Variants in PPM1F observed in about 807,000 individuals in gnomAD.
PPM1F encodes the protein protein phosphatase, Mg2+/Mn2+ dependent 1F.
A neutral mutation model predicts 35.5 loss-of-function variants in PPM1F; 17 were observed. The observed-to-expected ratio is 0.48, with a 90% CI of 0.33 to 0.72. The LOEUF (loss-of-function observed/expected upper bound fraction) is 0.72, where lower values mean the gene tolerates loss of function less well. Ranked by LOEUF, PPM1F falls within the 30% of genes least tolerant of loss-of-function variation. PPM1F has a pLI of 0.02. For synonymous variants in PPM1F, 241 were observed against 255.5 expected, an observed-to-expected ratio of 0.94 and a Z score of 0.54; for missense variants, 521 against 613.0, an observed-to-expected ratio of 0.85 and a Z score of 1.59.
In PPM1F at chr22:21,922,894, C is replaced by G. The variant is rs1199345409; in HGVS notation, c.*198G>C. On this transcript the variant is annotated 3_prime_UTR_variant, in exon 8 of 8. Transcript: ENST00000263212. ...TGAGGTCTCCTAAGCTGCCTTCCAC[C>G]ATCTGCCCGCCACCCAGTGCAGTTC... is the stretch of plus-strand genomic sequence containing the variant. 9.9e-5 allele frequency: 67 copies of G among 675,394 alleles called. No individual in the cohort carries two copies. Among genetic ancestry groups the G allele is most frequent in the South Asian group, 3.2e-4 (16 of 49,782 alleles). The allele number at this position is 675,394 out of a possible 1,614,324, so 41.8% of individuals were successfully genotyped here.
At position 21,919,480 on chromosome 22, in the gene PPM1F, T is replaced by G. The variant is rs556835005; in HGVS notation, c.*3612A>C. ...CATGGTGGGTCCTTGGGAGACTGCC[T>G]TTCTGGCATCTTGGGACTTGTCCCT... On this transcript the variant is annotated 3_prime_UTR_variant, in exon 8 of 8. Coordinates refer to ENST00000263212, the MANE Select transcript of PPM1F (RefSeq NM_014634.4). The G allele has an allele frequency of 6.5e-6, 1 of 152,704 alleles. No individual in the cohort carries two copies. The highest frequency in any genetic ancestry group is 2.1e-4 in the South Asian group (1 of 4,830). The allele number at this position is 152,704 out of a possible 1,614,324, so 9.5% of individuals were successfully genotyped here.
In PPM1F at chr22:21,919,970, TTC is replaced by T. The variant is rs766983709; in HGVS notation, c.*3120_*3121del. 109 of 152,446 alleles carry T rather than the reference TTC, an allele frequency of 7.2e-4. No homozygotes were observed. The highest frequency in any genetic ancestry group is 9.1e-4 in the Non-Finnish European group (62 of 68,118). 9.4% of individuals were successfully genotyped at this position (152,446 alleles called of 1,614,324 possible). A position where few individuals can be genotyped will look rare whatever the true frequency, so the allele number is the denominator to read the frequency against. The stretch of plus-strand genomic sequence containing the variant: ...AAACACACCCATTTCCTATCCTGGG[TTC>T]TGAGGCTGGGACTGCCTCTGGGATT... On this transcript the variant is annotated 3_prime_UTR_variant, in exon 8 of 8. Transcript: ENST00000263212.
In PPM1F at chr22:21,934,007, T is replaced by G. The variant is rs997919480; in HGVS notation, c.558+17A>C. 6.5e-7 allele frequency: 1 copy of G among 1,536,338 alleles called. No homozygotes were observed. On this transcript the variant is annotated intron_variant, in intron 4 of 7. Coordinates refer to ENST00000263212, the MANE Select transcript of PPM1F (RefSeq NM_014634.4). ...GTCCTCCGAAGCTGTCCCCAGGGTC[T>G]GGACGGGAGCACTCACAGACAAGCC...
At chr22:21,933,649 G>T in intron 4 of PPM1F, 70 bp from the exon 5 acceptor site, 3 of 1,378,198 alleles carry the variant, frequency 2.2e-6, no homozygotes, top group Non-Finnish European at 2.0e-6. Flanking sequence ...GTGGCGCCAG[G>T]CACTGATGGG....
At chr22:21,927,389 C>G (rs1250189696) in intron 6 of PPM1F, among the ~76,000 whole-genome samples, 1 of 152,232 alleles carries the variant, frequency 6.6e-6, no homozygotes, top group African/African-American at 2.4e-5. Flanking sequence ...AGAGGCGTTC[C>G]CTGGGGAGGG....
In PPM1F at chr22:21,939,816, G is replaced by T; in HGVS notation, c.207-136C>A. 9.8e-7 allele frequency: 1 copy of T among 1,018,572 alleles called. No homozygotes were observed. The highest frequency in any genetic ancestry group is 1.4e-6 in the Non-Finnish European group (1 of 704,742). The allele number at this position is 1,018,572 out of a possible 1,614,324, so 63.1% of individuals were successfully genotyped here. A position where few individuals can be genotyped will look rare whatever the true frequency, so the allele number is the denominator to read the frequency against. On this transcript the variant is annotated intron_variant, in intron 2 of 7. Coordinates refer to ENST00000263212, the MANE Select transcript of PPM1F (RefSeq NM_014634.4). The surrounding 1 kb of genome is among the most constrained non-coding windows in gnomAD (Gnocchi z 5.1). Reference sequence around the variant, plus strand: ...CCCCTGTCCTCAGGGAGCTGGGACAGGAAGGTCACAGGACAGCAAAGGCAG... The same window carrying T: ...CCCCTGTCCTCAGGGAGCTGGGACATGAAGGTCACAGGACAGCAAAGGCAG...
chr22:21,929,756 T>C (rs2070566154), intron 6 of PPM1F, among the ~76,000 whole-genome samples: 2 of 152,146 alleles, frequency 1.3e-5, no homozygotes, highest in African/African-American at 4.8e-5. Flanking sequence ...AGCCTCAGTT[T>C]TCTCCTCTGT....
chr22:21,950,340 C>G (rs1330282798), intron 1 of PPM1F: 2 of 151,970 alleles, frequency 1.3e-5, no homozygotes, highest in Non-Finnish European at 2.9e-5. Flanking sequence ...CCAGCATGCT[C>G]TCTTTCATGT....
chr22:21,943,184 A>G (rs1393497731), intron 2 of PPM1F: 1 of 152,138 alleles, frequency 6.6e-6, no homozygotes, highest in Non-Finnish European at 1.5e-5. Context: ...TTCATGCCCA[A>G]GAGCCCCTCC....
At chr22:21,938,470 G>C in intron 3 of PPM1F, 1 of 1,117,784 alleles carries the variant, frequency 8.9e-7, no homozygotes, top group South Asian at 1.8e-5. Flanking sequence ...GGAGAGCGCG[G>C]GCACCCACTG....
In PPM1F at chr22:21,935,898, G is replaced by C. The variant is rs1224838982; in HGVS notation, c.356-1672C>G. 4 of 152,226 alleles carry C rather than the reference G, an allele frequency of 2.6e-5. No homozygotes were observed. In the East Asian group the frequency reaches 7.7e-4, roughly 29 times the overall value. The allele number at this position is 152,226 out of a possible 1,614,324, so 9.4% of individuals were successfully genotyped here. A position where few individuals can be genotyped will look rare whatever the true frequency, so the allele number is the denominator to read the frequency against. The stretch of plus-strand genomic sequence containing the variant: ...TGTAGTCCCAGCTACTTGGGAGGCT[G>C]AGGCAGGAAAATTGCTTGAATCCGG... On this transcript the variant is annotated intron_variant, in intron 3 of 7. Coordinates refer to ENST00000263212, the MANE Select transcript of PPM1F (RefSeq NM_014634.4).
In PPM1F at chr22:21,939,592, G is replaced by A; in HGVS notation, c.295C>T (p.Pro99Ser). 6.4e-7 allele frequency: 1 copy of A among 1,568,534 alleles called. No homozygotes were observed. The highest frequency in any genetic ancestry group is 8.7e-7 in the Non-Finnish European group (1 of 1,155,326). ...TCCTCCTCTTCTTCTTCCTCCCTGG[G>A]CAACTTCCTGAATTCGGAAAGGTCT... ...QTDLSEFRKLPREEEEEEEDD... is the reference protein window; with the variant it reads ...QTDLSEFRKLSREEEEEEEDD... The change falls in exon 3 of 8, where the codon CCC becomes TCC. Residue 99 changes from proline (P) to serine (S), a missense_variant. By Grantham distance (74) the Pro-to-Ser change is moderately conservative. Coordinates refer to ENST00000263212, the MANE Select transcript of PPM1F (RefSeq NM_014634.4). The surrounding 1 kb of genome is among the most constrained non-coding windows in gnomAD (Gnocchi z 5.1).
intron 6 of PPM1F, among the ~76,000 whole-genome samples, chr22:21,926,778 C>T (rs1056534834): frequency 2.0e-5 from 3 of 152,184 alleles, no homozygotes; most frequent in African/African-American, 7.2e-5. Flanking sequence ...TCCCCAGGCA[C>T]AGCACCAGCT....
At chr22:21,938,187 G>A (rs769378617) in intron 3 of PPM1F, 137 of 1,303,350 alleles carry the variant, frequency 1.1e-4, no homozygotes, top group Non-Finnish European at 1.3e-4. Context: ...TGCCGGCGCA[G>A]CAACGCTCCT....
Position 21,939,406 on chromosome 22 carries a change from T to G in PPM1F, c.355+126A>C. 1.6e-6 allele frequency: 2 copies of G among 1,282,474 alleles called. No homozygotes were observed. Among genetic ancestry groups the G allele is most frequent in the Non-Finnish European group, 1.1e-6 (1 of 928,678 alleles). 79.4% of individuals were successfully genotyped at this position (1,282,474 alleles called of 1,614,324 possible). A position where few individuals can be genotyped will look rare whatever the true frequency, so the allele number is the denominator to read the frequency against. ...GCAAGCCTTCTCTGCTCCTTGATTC[T>G]GCTGCCGTTGTGAGCGAGGGCCCCA... On this transcript the variant is annotated intron_variant, in intron 3 of 7. Coordinates refer to ENST00000263212, the MANE Select transcript of PPM1F (RefSeq NM_014634.4). This position sits in a 1 kb window ranked among gnomAD's most constrained non-coding sequence, Gnocchi z 5.1.
At chr22:21,933,798 C>T (rs1373406843) in intron 4 of PPM1F, among the ~76,000 whole-genome samples, 3 of 152,204 alleles carry the variant, frequency 2.0e-5, no homozygotes, top group Non-Finnish European at 4.4e-5. Flanking sequence ...GAGGGGCTGC[C>T]CCAGGTGGCT....
At chr22:21,934,274 G>C in intron 3 of PPM1F, 48 bp from the exon 4 acceptor site, 1 of 1,497,666 alleles carries the variant, frequency 6.7e-7, no homozygotes, top group Non-Finnish European at 9.1e-7. Flanking sequence ...AACCAAGCCA[G>C]CTGAGGCCTC....
At chr22:21,929,214 T>C (rs574482767) in intron 6 of PPM1F, among the ~76,000 whole-genome samples, 1 of 152,146 alleles carries the variant, frequency 6.6e-6, no homozygotes, top group South Asian at 2.1e-4. Context: ...GTGATCAGGA[T>C]CACAGCAGGA....
chr22:21,921,125 G>GTAGGGCCCCAGCAAAGC lies in PPM1F; in HGVS notation c.*1950_*1966dup, dbSNP rs2070442602. 6.6e-6 allele frequency: 1 copy of GTAGGGCCCCAGCAAAGC among 152,492 alleles called. No homozygotes were observed. 9.4% of individuals were successfully genotyped at this position (152,492 alleles called of 1,614,324 possible). ...ATGAGGGGTAAGGCTGGGCATGCAG[G>GTAGGGCCCCAGCAAAGC]TAGGGCCCCAGCAAAGCTGGCTCCC... On this transcript the variant is annotated 3_prime_UTR_variant, in exon 8 of 8. Transcript: ENST00000263212.
Sources: gnomAD v4.1 joint callset for allele counts (sites outside exome capture counted in the v4.1 genomes callset) on GRCh38, gnomAD v4.1.1 for gene constraint, Gnocchi (gnomAD v3.1) non-coding constraint, MANE v1.5 for transcripts, NCBI Gene and HGNC (gene_info 2026-07-23, HGNC 2026-07-21) for gene names.